The following DPYD variants were observed in gnomAD, a reference collection of about 807,000 sequenced individuals.
The protein encoded by DPYD is dihydropyrimidine dehydrogenase [NADP(+)].
A neutral mutation model predicts 116.2 loss-of-function variants in DPYD; 109 were observed. That is an observed-to-expected ratio of 0.94 (90% CI 0.80 to 1.10). The LOEUF is 1.10. Ranked by LOEUF, DPYD falls within the 50% of genes least tolerant of loss-of-function variation. DPYD has a pLI of 0.00. For missense variants in DPYD, 1,302 were observed against 1,254.5 expected (o/e 1.04, Z -0.57); for synonymous variants, 440 against 432.0 (o/e 1.02, Z -0.23).
chr1:97,620,464 G>A (rs982742083), intron 8 of DPYD, among the ~76,000 whole-genome samples: 19 of 151,986 alleles, frequency 1.3e-4, no homozygotes, highest in Admixed American at 2.6e-4. Context: ...GATCCTCCCC[G>A]CTTGGCTTCC....
chr1:97,508,878 G>A lies in DPYD; in HGVS notation c.1740+6848C>T, dbSNP rs1021787669. Among the ~76,000 whole-genome samples, 9 of 151,884 alleles carry A rather than the reference G, an allele frequency of 5.9e-5. 1 individual carries two copies. In the South Asian group the frequency reaches 8.3e-4, roughly 14 times the overall value. On this transcript the variant is annotated intron_variant, in intron 13 of 22. Coordinates refer to ENST00000370192, the MANE Select transcript of DPYD (RefSeq NM_000110.4). ...ATGAAAATTATATTGTGCAACTTCC[G>A]AGCCTTGGCATCAAGAGGATTTGCA...
intron 19 of DPYD, among the ~76,000 whole-genome samples, chr1:97,228,769 T>C (rs924983593): frequency 6.6e-6 from 1 of 152,114 alleles, no homozygotes; most frequent in African/African-American, 2.4e-5. Flanking sequence ...TAATAAATAT[T>C]GTAAAACCAG....
intron 10 of DPYD, among the ~76,000 whole-genome samples, chr1:97,578,046 C>G (rs988196709): frequency 7.9e-5 from 12 of 151,806 alleles, no homozygotes; most frequent in Admixed American, 7.9e-4. Flanking sequence ...GGGTTTCACT[C>G]TGTTGGCCAG....
Position 97,416,619 on chromosome 1 carries a change from T to C in DPYD, c.1905+33440A>G, listed in dbSNP as rs570855831. On this transcript the variant is annotated intron_variant, in intron 14 of 22. Transcript: ENST00000370192. ...TTTCTGTGGTAGTCAGCAGTTGGCA[T>C]TGCCTGTGGTAGAAAGCTTCACATT... Among the ~76,000 whole-genome samples, 35 of 152,322 alleles carry C rather than the reference T, an allele frequency of 2.3e-4. No homozygotes were observed. In the South Asian group the frequency reaches 7.3e-3, roughly 32 times the overall value.
At chr1:97,179,600 T>C (rs1657509913) in intron 20 of DPYD, among the ~76,000 whole-genome samples, 1 of 151,978 alleles carries the variant, frequency 6.6e-6, no homozygotes, top group Non-Finnish European at 1.5e-5. Flanking sequence ...GCCAGCATGG[T>C]GTAAGGGGCT....
intron 12 of DPYD, among the ~76,000 whole-genome samples, chr1:97,526,239 G>A (rs1233416277): frequency 6.6e-6 from 1 of 152,138 alleles, no homozygotes; most frequent in Non-Finnish European, 1.5e-5. Flanking sequence ...CCTCCAGGAA[G>A]AGCTGGGAAT....
At chr1:97,897,349 C>T (rs571286809) in intron 1 of DPYD, among the ~76,000 whole-genome samples, 16 of 151,894 alleles carry the variant, frequency 1.1e-4, no homozygotes, top group African/African-American at 3.6e-4. Flanking sequence ...TAGTTTTGAC[C>T]AATTTGATTA....
intron 13 of DPYD, among the ~76,000 whole-genome samples, chr1:97,465,750 C>T (rs187949977): frequency 2.6e-4 from 39 of 152,238 alleles, no homozygotes; most frequent in African/African-American, 8.9e-4. Flanking sequence ...CCGGGTATGT[C>T]TTTATTAGCA....
chr1:97,425,206 TACC>T (rs1210782518), intron 14 of DPYD, among the ~76,000 whole-genome samples: 4 of 152,188 alleles, frequency 2.6e-5, no homozygotes, highest in African/African-American at 7.2e-5. Context: ...AAATAGATGT[TACC>T]ACATTTCAAC....
At chr1:97,786,797 A>T (rs967298858) in intron 3 of DPYD, among the ~76,000 whole-genome samples, 4 of 152,244 alleles carry the variant, frequency 2.6e-5, no homozygotes, top group Non-Finnish European at 4.4e-5. Context: ...TGTTTGACCT[A>T]AAAATAGCAA....
intron 8 of DPYD, among the ~76,000 whole-genome samples, chr1:97,674,206 T>G (rs1660021786): frequency 6.6e-6 from 1 of 152,108 alleles, no homozygotes; most frequent in Non-Finnish European, 1.5e-5. Context: ...AAGAAGTAAG[T>G]TCAAGGAAAA....
intron 3 of DPYD, among the ~76,000 whole-genome samples, chr1:97,773,118 C>T (rs1666226835): frequency 6.6e-6 from 1 of 152,174 alleles, no homozygotes; most frequent in Admixed American, 6.5e-5. Flanking sequence ...GAAATAAACA[C>T]TGAGTTCTTA....
intron 9 of DPYD, among the ~76,000 whole-genome samples, chr1:97,593,694 A>G (rs1654682103): frequency 1.3e-5 from 2 of 152,202 alleles, no homozygotes; most frequent in African/African-American, 4.8e-5. Context: ...CTTCATCAAA[A>G]TTGTGCTATC....
chr1:97,867,085 G>A (rs779127638), intron 2 of DPYD, among the ~76,000 whole-genome samples: 7 of 151,836 alleles, frequency 4.6e-5, no homozygotes, highest in East Asian at 1.9e-4. Context: ...GAGAGGCAGA[G>A]ACATCAGATA....
At chr1:97,215,783 A>C (rs552657282) in intron 19 of DPYD, among the ~76,000 whole-genome samples, 6 of 152,296 alleles carry the variant, frequency 3.9e-5, no homozygotes, top group Non-Finnish European at 8.8e-5. Flanking sequence ...TGGCGCTAAA[A>C]TATAAACGTT....
chr1:97,337,066 G>T (rs1268165776), intron 16 of DPYD, among the ~76,000 whole-genome samples: 2 of 152,150 alleles, frequency 1.3e-5, no homozygotes, highest in African/African-American at 2.4e-5. Context: ...TGGAAGCAAA[G>T]AATTTTCTGA....
intron 20 of DPYD, among the ~76,000 whole-genome samples, chr1:97,123,553 T>A (rs1652606782): frequency 6.6e-6 from 1 of 152,126 alleles, no homozygotes; most frequent in Non-Finnish European, 1.5e-5. Flanking sequence ...GGCATCACAT[T>A]TATACACTAG....
chr1:97,214,587 C>G (rs573315005), intron 19 of DPYD, among the ~76,000 whole-genome samples: 1 of 152,228 alleles, frequency 6.6e-6, no homozygotes, highest in African/African-American at 2.4e-5. Flanking sequence ...GAAGCTTTCA[C>G]CAGGTGATAA....
chr1:97,156,292 G>A (rs1333851998), intron 20 of DPYD, among the ~76,000 whole-genome samples: 1 of 151,934 alleles, frequency 6.6e-6, no homozygotes, highest in Non-Finnish European at 1.5e-5. Flanking sequence ...AATACAAACT[G>A]CATTCTTTAA....
Sources: allele counts gnomAD v4.1 joint callset (sites outside exome capture counted in the v4.1 genomes callset), GRCh38; gene constraint gnomAD v4.1.1; transcripts MANE v1.5; gene names NCBI Gene and HGNC (gene_info 2026-07-23, HGNC 2026-07-21).